THRB: variants seen among roughly 807,000 people sequenced by gnomAD.
The protein encoded by THRB is nuclear receptor subfamily 1 group A member 2.
In THRB, 12 loss-of-function variants were observed where a neutral mutation model predicts 47.8. The ratio of observed to expected loss-of-function variants is 0.25; its 90% CI spans 0.16 to 0.41. The LOEUF is 0.41. THRB is among the 10% of genes least tolerant of loss of function. The pLI is 1.00. For synonymous variants in THRB, 218 were observed against 212.2 expected (o/e 1.03, Z -0.24); for missense variants, 348 against 589.2 (o/e 0.59, Z 4.24).
Position 24,391,954 on chromosome 3 carries a change from G to A in THRB, c.-260-54583C>T, listed in dbSNP as rs140894147. On this transcript the variant is annotated intron_variant, in intron 1 of 10. Transcript: ENST00000646209. The stretch of plus-strand genomic sequence containing the variant: ...GAGGCTACATAATTCGCACAGGGCA[G>A]CCATGCTGAAATTGGCATGCTCACA... Among the ~76,000 whole-genome samples, 186 of 152,278 alleles carry A rather than the reference G, an allele frequency of 1.2e-3. 2 individuals are homozygous for A. The East Asian group carries it at 0.033, about 27-fold the overall frequency.
chr3:24,194,186 G>T (rs139479674), intron 4 of THRB, among the ~76,000 whole-genome samples: 6 of 152,158 alleles, frequency 3.9e-5, no homozygotes, highest in African/African-American at 1.4e-4. Context: ...TGCTCAGGTG[G>T]TGGGTGCACC....
intron 3 of THRB, among the ~76,000 whole-genome samples, chr3:24,267,247 T>C (rs1030682227): frequency 6.6e-6 from 1 of 151,994 alleles, no homozygotes; most frequent in Non-Finnish European, 1.5e-5. Context: ...ACAGAATTTG[T>C]AGCAGTTACA....
intron 5 of THRB, among the ~76,000 whole-genome samples, chr3:24,188,868 T>TATATATATATATATATATATATATATAC (rs2042964604): frequency 1.4e-5 from 2 of 139,628 alleles, no homozygotes; most frequent in African/African-American, 5.7e-5. Context: ...AATATATATA[T>TATATATATATATATATATATATATATAC]ATATATATAT....
intron 1 of THRB, among the ~76,000 whole-genome samples, chr3:24,482,803 A>C (rs1050173463): frequency 6.6e-5 from 10 of 152,220 alleles, no homozygotes; most frequent in African/African-American, 2.4e-4. Flanking sequence ...CCTATTATGG[A>C]ATATTAATAG....
chr3:24,444,015 CA>C (rs1335572147), intron 1 of THRB, among the ~76,000 whole-genome samples: 1 of 151,880 alleles, frequency 6.6e-6, no homozygotes, highest in African/African-American at 2.4e-5. Context: ...TATAGTATTC[CA>C]AAACCCATTT....
chr3:24,397,233 T>C (rs2067031217), intron 1 of THRB, among the ~76,000 whole-genome samples: 1 of 152,128 alleles, frequency 6.6e-6, no homozygotes, highest in Non-Finnish European at 1.5e-5. Context: ...AAAGAGCATC[T>C]TGGAAGATTA....
Position 24,299,766 on chromosome 3 carries a change from C to CTTTTTTTTTTTTT in THRB, c.-188-2396_-188-2395insAAAAAAAAAAAAA, listed in dbSNP as rs1360367092. Among the ~76,000 whole-genome samples the CTTTTTTTTTTTTT allele has an allele frequency of 2.9e-4, 17 of 58,544 alleles. 6 individuals are homozygous for CTTTTTTTTTTTTT. Among genetic ancestry groups the CTTTTTTTTTTTTT allele is most frequent in the African/African-American group, 1.1e-3 (13 of 12,350 alleles). 38.4% of individuals were successfully genotyped at this position (58,544 alleles called of 152,430 possible). The stretch of plus-strand genomic sequence containing the variant: ...GCCTTGAGGCTTCTGGGGAAGTATG[C>CTTTTTTTTTTTTT]TTTTTTATTTATTTATTTATTTATT... On this transcript the variant is annotated intron_variant, in intron 2 of 10. Coordinates refer to ENST00000646209, the MANE Select transcript of THRB (RefSeq NM_001354712.2).
chr3:24,271,401 T>G (rs2053314405), intron 3 of THRB, among the ~76,000 whole-genome samples: 1 of 152,230 alleles, frequency 6.6e-6, no homozygotes, highest in South Asian at 2.1e-4. Context: ...TTCCTGAGTG[T>G]GGCTAAACTT....
intron 1 of THRB, among the ~76,000 whole-genome samples, chr3:24,361,782 C>G (rs1256408303): frequency 6.6e-6 from 1 of 152,092 alleles, no homozygotes; most frequent in Non-Finnish European, 1.5e-5. Context: ...GGTAAAGGCA[C>G]TGGGGGCTTA....
intron 3 of THRB, among the ~76,000 whole-genome samples, chr3:24,235,855 T>C (rs2048807265): frequency 6.6e-6 from 1 of 152,106 alleles, no homozygotes; most frequent in Admixed American, 6.5e-5. Flanking sequence ...AGCTTAGGGA[T>C]GTGTCTTGAA....
At chr3:24,186,104 C>T (rs1400932018) in intron 5 of THRB, among the ~76,000 whole-genome samples, 1 of 152,118 alleles carries the variant, frequency 6.6e-6, no homozygotes, top group Admixed American at 6.5e-5. Flanking sequence ...GGTGGCAGAC[C>T]CTTTCCTGTG....
chr3:24,151,611 C>A (rs952162577), intron 6 of THRB, among the ~76,000 whole-genome samples: 9 of 152,138 alleles, frequency 5.9e-5, no homozygotes, highest in African/African-American at 2.2e-4. Context: ...AAATACAGCA[C>A]TGGGTCAAGC....
At chr3:24,369,457 A>T (rs1489700434) in intron 1 of THRB, among the ~76,000 whole-genome samples, 2 of 152,296 alleles carry the variant, frequency 1.3e-5, no homozygotes, top group African/African-American at 4.8e-5. Context: ...CATTGCCTTC[A>T]CAACAAGGAA....
At chr3:24,417,225 A>T (rs2068830817) in intron 1 of THRB, among the ~76,000 whole-genome samples, 1 of 151,840 alleles carries the variant, frequency 6.6e-6, no homozygotes. Context: ...GAGTGAATTC[A>T]TTAAATACAT....
At chr3:24,297,772 T>G (rs1403656249) in intron 2 of THRB, among the ~76,000 whole-genome samples, 1 of 152,196 alleles carries the variant, frequency 6.6e-6, no homozygotes, top group African/African-American at 2.4e-5. Flanking sequence ...TTAAAAAACC[T>G]GGATGCTCGG....
intron 1 of THRB, among the ~76,000 whole-genome samples, chr3:24,493,932 AG>A (rs1698587965): frequency 6.6e-6 from 1 of 152,204 alleles, no homozygotes; most frequent in Admixed American, 6.5e-5. Context: ...TCCTTCTCCG[AG>A]GGGGTGGAGG....
chr3:24,387,049 C>A lies in THRB; in HGVS notation c.-260-49678G>T, dbSNP rs1052203284. Among the ~76,000 whole-genome samples, 3 of 152,098 alleles carry A rather than the reference C, an allele frequency of 2.0e-5. No individual in the cohort carries two copies. The South Asian group carries it at 6.2e-4, about 32-fold the overall frequency. ...GAATTAATACCTTTCTTCTCTTATCCTCTCTCCAGCATGCTCTCCATGGCT... is the reference window on the plus strand; with the variant it reads ...GAATTAATACCTTTCTTCTCTTATCATCTCTCCAGCATGCTCTCCATGGCT... On this transcript the variant is annotated intron_variant, in intron 1 of 10. Coordinates refer to ENST00000646209, the MANE Select transcript of THRB (RefSeq NM_001354712.2).
intron 1 of THRB, among the ~76,000 whole-genome samples, chr3:24,374,033 C>T (rs1052938703): frequency 6.6e-6 from 1 of 151,986 alleles, no homozygotes; most frequent in African/African-American, 2.4e-5. Flanking sequence ...CTGGGGGCTG[C>T]CCAATTCACG....
At chr3:24,433,060 C>T (rs4273319) in intron 1 of THRB, among the ~76,000 whole-genome samples, 1 of 152,032 alleles carries the variant, frequency 6.6e-6, no homozygotes, top group Non-Finnish European at 1.5e-5. Flanking sequence ...CTCAGTTCCA[C>T]AGATAAAGAA....
Sources: allele counts gnomAD v4.1 joint callset (sites outside exome capture counted in the v4.1 genomes callset), GRCh38; gene constraint gnomAD v4.1.1; transcripts MANE v1.5; gene names NCBI Gene and HGNC (gene_info 2026-07-23, HGNC 2026-07-21).